Variants in NCKAP5L observed in about 807,000 individuals in gnomAD.
The protein encoded by NCKAP5L is NCK associated protein 5 like.
Under a neutral mutation model 103.2 loss-of-function variants are expected in NCKAP5L, and 54 were observed. The ratio of observed to expected loss-of-function variants is 0.52; its 90% confidence interval spans 0.42 to 0.66. The LOEUF is 0.66. Among genes scored for constraint, NCKAP5L ranks in the 30% least tolerant of loss-of-function variants. The pLI, the probability that NCKAP5L is intolerant of heterozygous loss-of-function variation, is 0.00. For synonymous variants in NCKAP5L, 762 were observed against 748.6 expected (o/e 1.02, Z -0.29); for missense variants, 1,733 against 1,750.6 (o/e 0.99, Z 0.18).
chr12:49,799,738 C>T (rs1946098521), intron 6 of NCKAP5L, among the ~76,000 whole-genome samples: 3 of 152,370 alleles, frequency 2.0e-5, no homozygotes, highest in South Asian at 4.1e-4. Flanking sequence ...TCTTCCCATG[C>T]CACCGTCTCC....
In NCKAP5L at chr12:49,822,322, C is replaced by T. The variant is rs117810833; in HGVS notation, c.-99+6000G>A. On this transcript the variant is annotated intron_variant, in intron 1 of 12. Transcript: ENST00000335999. ...AGCAGTTCAAACAGACTAAGACAGC[C>T]AGAAACAGGAGAGCCGACATAGGCG... Among the ~76,000 whole-genome samples, 249 of 152,182 alleles carry T rather than the reference C, an allele frequency of 1.6e-3. 3 individuals are homozygous for T. In the East Asian group the frequency reaches 0.032, roughly 19 times the overall value.
intron 1 of NCKAP5L, among the ~76,000 whole-genome samples, chr12:49,810,192 G>A (rs1381411418): frequency 2.1e-5 from 3 of 143,344 alleles, no homozygotes; most frequent in South Asian, 2.3e-4. Context: ...GGGGAGGGAA[G>A]GGGGTGGGGA....
chr12:49,794,606 C>CCA lies in NCKAP5L; in HGVS notation c.3095+158_3095+159insTG, dbSNP rs372509563. Among the ~76,000 whole-genome samples, 34 of 88,000 alleles carry CCA rather than the reference C, an allele frequency of 3.9e-4. No individual in the cohort carries two copies. The South Asian group carries it at 0.014, about 35-fold the overall frequency. 57.7% of individuals were successfully genotyped at this position (88,000 alleles called of 152,430 possible). On this transcript the variant is annotated intron_variant, in intron 8 of 12. Transcript: ENST00000335999. ...TCTTTCCTCCAGGCCAAGTCACTGACCCCCCCACCAGCTGCTTTGGTGGCC... is the reference window on the plus strand; with the variant it reads ...TCTTTCCTCCAGGCCAAGTCACTGACCACCCCCCACCAGCTGCTTTGGTGGCC...
chr12:49,796,141 C>A lies in NCKAP5L; in HGVS notation c.1719G>T (p.Glu573Asp), dbSNP rs1356394726. The change falls in exon 8 of 13, where the codon GAG (glutamate) becomes GAT (aspartate). Residue 573 changes from glutamate to aspartate, a missense_variant. Coordinates refer to ENST00000335999, the MANE Select transcript of NCKAP5L (RefSeq NM_001037806.4). ...GCACCTGCAGTGGGGATGGAGGTGG[C>A]TCTGGGGAAGGCCCCCTAAAGGTGC... The part of the protein sequence containing the change: ...SRSTFRGPSP[E>D]PPPSPLQVPT... The A allele has an allele frequency of 6.2e-7, 1 of 1,611,456 alleles. No homozygotes were observed. Among genetic ancestry groups the A allele is most frequent in the East Asian group, 2.2e-5 (1 of 44,858 alleles).
chr12:49,828,157 C>A (rs1425741175), intron 1 of NCKAP5L, among the ~76,000 whole-genome samples, 165 bp downstream of exon 1: 3 of 149,146 alleles, frequency 2.0e-5, no homozygotes, highest in African/African-American at 7.5e-5. Context: ...GAGGGAGGGA[C>A]GGAGGGGCGG....
chr12:49,792,524 A>G lies in NCKAP5L; in HGVS notation c.3714T>C (p.Asn1238=), dbSNP rs746098661. The change falls in exon 12 of 13, where the codon AAT becomes AAC. Residue 1238 remains asparagine, a synonymous_variant. Transcript: ENST00000335999. The surrounding 1 kb of genome is among the most constrained non-coding windows in gnomAD (Gnocchi z 4.5). ...VQLAKNWTFP[N]TRAAGSSSDP... is the part of the protein sequence containing the mutation. ...CCGAGGAGCTGCCGGCTGCCCTAGTATTGGGGAAGGTCCAGTTCTTGGCCA... is the reference window on the plus strand; with the variant it reads ...CCGAGGAGCTGCCGGCTGCCCTAGTGTTGGGGAAGGTCCAGTTCTTGGCCA... 2 of 1,613,456 alleles carry G rather than the reference A, an allele frequency of 1.2e-6. No individual in the cohort carries two copies. Among genetic ancestry groups the G allele is most frequent in the Admixed American group, 3.3e-5 (2 of 59,978 alleles).
chr12:49,826,535 T>C (rs1946418253), intron 1 of NCKAP5L, among the ~76,000 whole-genome samples: 1 of 152,202 alleles, frequency 6.6e-6, no homozygotes, highest in South Asian at 2.1e-4. Context: ...CCCAACACTT[T>C]AGCTCCCTCT....
At chr12:49,811,074 C>T (rs1946234990) in intron 1 of NCKAP5L, among the ~76,000 whole-genome samples, 1 of 152,232 alleles carries the variant, frequency 6.6e-6, no homozygotes. Context: ...CTGAATTTTA[C>T]ATTTAATTTT....
At position 49,803,172 on chromosome 12, in the gene NCKAP5L, G is replaced by T. The variant is rs1232392769; in HGVS notation, c.124-7C>A. On this transcript the variant is annotated splice_region_variant and splice_polypyrimidine_tract_variant and intron_variant, in intron 3 of 12. Transcript: ENST00000335999. ...CAAGTGCCGAGTTCTCTGCCTGCAG[G>T]AGTGAGGGAGGAAGAGGGCAAAAAG... 6.2e-7 allele frequency: 1 copy of T among 1,613,614 alleles called. No homozygotes were observed. Among genetic ancestry groups the T allele is most frequent in the Admixed American group, 1.7e-5 (1 of 60,012 alleles).
chr12:49,824,760 AG>A (rs1946398433), intron 1 of NCKAP5L, among the ~76,000 whole-genome samples: 1 of 152,228 alleles, frequency 6.6e-6, no homozygotes, highest in Non-Finnish European at 1.5e-5. Context: ...AGAAACCACA[AG>A]GGCCAAGACA....
intron 6 of NCKAP5L, 58 bp downstream of exon 6, chr12:49,801,790 A>C: frequency 1.9e-6 from 3 of 1,602,676 alleles, no homozygotes; most frequent in Non-Finnish European, 2.6e-6. Flanking sequence ...GATGGGGCCG[A>C]TGGAGCCGAG....
intron 1 of NCKAP5L, among the ~76,000 whole-genome samples, chr12:49,822,987 A>G (rs1946377300): frequency 6.6e-6 from 1 of 152,182 alleles, no homozygotes; most frequent in African/African-American, 2.4e-5. Flanking sequence ...CCCTAGGACA[A>G]GGGAGCAGGT....
intron 2 of NCKAP5L, 150 bp from the exon 3 acceptor site, chr12:49,804,230 C>G: frequency 1.7e-6 from 1 of 589,676 alleles, no homozygotes; most frequent in Non-Finnish European, 2.9e-6. Context: ...GGTCACGGGG[C>G]AGACAACACA....
chr12:49,825,837 C>G (rs74092118), intron 1 of NCKAP5L, among the ~76,000 whole-genome samples: 4 of 152,190 alleles, frequency 2.6e-5, no homozygotes, highest in Non-Finnish European at 4.4e-5. Context: ...CTTCCTTAAC[C>G]ACCACCTCTC....
chr12:49,809,352 G>C lies in NCKAP5L; in HGVS notation c.-98-3311C>G, dbSNP rs990185161. ...TGGGAGGAAGGGGCTGGAGAGGCAG[G>C]CGGCAGCAAGCCTGTCCTCATTCCC... On this transcript the variant is annotated intron_variant, in intron 1 of 12. Transcript: ENST00000335999. Among the ~76,000 whole-genome samples the C allele has an allele frequency of 2.4e-4, 36 of 152,122 alleles. 1 individual carries two copies. Among genetic ancestry groups the C allele is most frequent in the Admixed American group, 2.2e-3 (33 of 15,284 alleles).
rs550961662 is a variant in NCKAP5L at position 49,798,886 on chromosome 12, A to G, written c.352-423T>C. Among the ~76,000 whole-genome samples, 4 of 152,266 alleles carry G rather than the reference A, an allele frequency of 2.6e-5. No individual in the cohort carries two copies. The East Asian group carries it at 7.7e-4, about 29-fold the overall frequency. ...GGACAGCTGAGATAAATGGTCTTAG[A>G]TGGTCTTAGGAAAGAGATGGCAGGG... On this transcript the variant is annotated intron_variant, in intron 6 of 12. Transcript: ENST00000335999.
chr12:49,817,772 A>G (rs777404594), intron 1 of NCKAP5L, among the ~76,000 whole-genome samples: 2 of 152,194 alleles, frequency 1.3e-5, no homozygotes, highest in Non-Finnish European at 2.9e-5. Flanking sequence ...CACATGCAGA[A>G]GACTGAAATT....
chr12:49,816,983 G>A, intron 1 of NCKAP5L, among the ~76,000 whole-genome samples: 1 of 151,966 alleles, frequency 6.6e-6, no homozygotes. Flanking sequence ...GGAGCTTTCA[G>A]TCTATAGGGG....
chr12:49,805,758 G>A (rs1415690910), intron 2 of NCKAP5L: 1 of 152,290 alleles, frequency 6.6e-6, no homozygotes, highest in Non-Finnish European at 1.5e-5. Context: ...TAGAGTTCGA[G>A]GCTGCAGTGA....
Sources: gnomAD v4.1 joint callset for allele counts (sites outside exome capture counted in the v4.1 genomes callset) on GRCh38, gnomAD v4.1.1 for gene constraint, Gnocchi (gnomAD v3.1) non-coding constraint, MANE v1.5 for transcripts, NCBI Gene and HGNC (gene_info 2026-07-23, HGNC 2026-07-21) for gene names.